FAXC: variants seen among roughly 807,000 people sequenced by gnomAD.
The protein encoded by FAXC is failed axon connections homolog.
In FAXC, 10 loss-of-function variants were observed where a neutral mutation model predicts 41.9. The ratio of observed to expected loss-of-function variants is 0.24; its 90% confidence interval spans 0.15 to 0.41. FAXC has a LOEUF of 0.41. Among genes scored for constraint, FAXC ranks in the 10% least tolerant of loss-of-function variants. FAXC has a pLI of 1.00. For missense variants in FAXC, 399 were observed against 510.9 expected, an observed-to-expected ratio of 0.78 and a Z score of 2.11; for synonymous variants, 183 against 183.8, an observed-to-expected ratio of 1.00 and a Z score of 0.03.
intron 2 of FAXC, among the ~76,000 whole-genome samples, chr6:99,336,342 C>T (rs909901056): frequency 3.9e-5 from 6 of 152,032 alleles, no homozygotes; most frequent in Non-Finnish European, 7.4e-5. Context: ...TCCTTGTGAT[C>T]CTCCTTCCTC....
At chr6:99,302,015 AGCTGAGTGCCTCT>A (rs1771730770) in intron 4 of FAXC, among the ~76,000 whole-genome samples, 1 of 152,256 alleles carries the variant, frequency 6.6e-6, no homozygotes. Flanking sequence ...AGATAGCCTT[AGCTGAGTGCCTCT>A]GCTGGGTGCC....
intron 4 of FAXC, among the ~76,000 whole-genome samples, chr6:99,316,098 C>CT (rs1361662758): frequency 6.6e-6 from 1 of 152,130 alleles, no homozygotes; most frequent in African/African-American, 2.4e-5. Context: ...CCACCCTGAG[C>CT]TTTAAGGGGT....
intron 4 of FAXC, among the ~76,000 whole-genome samples, chr6:99,293,702 G>GTGTGTGTC (rs1443666984): frequency 8.5e-6 from 1 of 117,760 alleles, no homozygotes; most frequent in African/African-American, 3.1e-5. Context: ...GTGTGTGTGT[G>GTGTGTGTC]TGTGTGTGTG....
Position 99,315,192 on chromosome 6 carries a change from T to C in FAXC, c.823+8252A>G, listed in dbSNP as rs567015075. On this transcript the variant is annotated intron_variant, in intron 4 of 5. Coordinates refer to ENST00000389677, the MANE Select transcript of FAXC (RefSeq NM_032511.4). ...AGACTACAGTGAGCTGAGAGCACAC[T>C]ACTGCACTCCAGCCTGGGCAACTGA... 1.9e-4 allele frequency among the ~76,000 whole-genome samples: 23 copies of C among 121,710 alleles called. No homozygotes were observed. The South Asian group carries it at 6.4e-3, about 34-fold the overall frequency. 79.8% of individuals were successfully genotyped at this position (121,710 alleles called of 152,430 possible).
chr6:99,282,596 C>T lies in FAXC; in HGVS notation c.941-1143G>A, dbSNP rs547832931. ...CATTTGTCTGAAACATGCCACTCTA[C>T]CTGGCCTTCATTTCCTAATTCCAAA... On this transcript the variant is annotated intron_variant, in intron 5 of 5. Coordinates refer to ENST00000389677, the MANE Select transcript of FAXC (RefSeq NM_032511.4). Among the ~76,000 whole-genome samples, 12 of 152,270 alleles carry T rather than the reference C, an allele frequency of 7.9e-5. No individual in the cohort carries two copies. The South Asian group carries it at 2.3e-3, about 29-fold the overall frequency.
At chr6:99,327,660 T>C (rs1341744035) in intron 3 of FAXC, among the ~76,000 whole-genome samples, 2 of 152,166 alleles carry the variant, frequency 1.3e-5, no homozygotes, top group Non-Finnish European at 2.9e-5. Context: ...ATGTCTCCCA[T>C]ATCCAGCCCT....
intron 5 of FAXC, 66 bp from the exon 6 acceptor site, chr6:99,281,519 G>C: frequency 2.4e-6 from 3 of 1,263,924 alleles, no homozygotes; most frequent in Non-Finnish European, 3.4e-6. Context: ...TCTATGGTCT[G>C]TGTTGCCCCA....
At chr6:99,288,724 C>T (rs1771114209) in intron 5 of FAXC, among the ~76,000 whole-genome samples, 1 of 152,154 alleles carries the variant, frequency 6.6e-6, no homozygotes, top group Non-Finnish European at 1.5e-5. Context: ...TCGATCAATG[C>T]CTGACCCATT....
chr6:99,315,761 C>T (rs1772327451), intron 4 of FAXC, among the ~76,000 whole-genome samples: 3 of 152,204 alleles, frequency 2.0e-5, no homozygotes, highest in Admixed American at 2.0e-4. Flanking sequence ...ATCCTGGAGT[C>T]CATGCTTGGC....
At chr6:99,335,949 GA>G (rs1773200708) in intron 2 of FAXC, among the ~76,000 whole-genome samples, 1 of 151,880 alleles carries the variant, frequency 6.6e-6, no homozygotes, top group African/African-American at 2.4e-5. Context: ...ATAGATGAAT[GA>G]AAAAACATTT....
At chr6:99,333,225 A>T in intron 3 of FAXC, 126 bp downstream of exon 3, 1 of 771,562 alleles carries the variant, frequency 1.3e-6, no homozygotes, top group Non-Finnish European at 2.1e-6. Flanking sequence ...TTGATGACTG[A>T]GCCACTCACT....
intron 5 of FAXC, among the ~76,000 whole-genome samples, chr6:99,282,500 C>T (rs549383755): frequency 6.6e-5 from 10 of 152,242 alleles, no homozygotes; most frequent in East Asian, 1.9e-4. Flanking sequence ...GGGTCCCACT[C>T]GGTCACTAGA....
intron 2 of FAXC, among the ~76,000 whole-genome samples, chr6:99,342,394 G>T (rs961668334): frequency 1.1e-4 from 16 of 151,628 alleles, no homozygotes; most frequent in Middle Eastern, 3.4e-3. Context: ...ACCCAGACTG[G>T]AGTACAGTGG....
rs138367512 is a variant in FAXC at position 99,281,386 on chromosome 6, G to A, written c.1008C>T (p.His336=). ...IRRKFWPEWH[H]DDDNTIYESE... ...ACTCATAGATGGTATTGTCATCATC[G>A]TGGTGCCACTCTGGCCAAAATTTCC... The change falls in exon 6 of 6, where the codon CAC becomes CAT. Residue 336 remains histidine (H), a synonymous_variant. Coordinates refer to ENST00000389677, the MANE Select transcript of FAXC (RefSeq NM_032511.4). The A allele has an allele frequency of 4.6e-5, 74 of 1,614,142 alleles. No individual in the cohort carries two copies. In the East Asian group the frequency reaches 1.5e-3, roughly 33 times the overall value.
Position 99,349,470 on chromosome 6 carries a change from G to C in FAXC, c.-98C>G. The stretch of plus-strand genomic sequence containing the variant: ...GCGCGGGCTCAGAGGCGCGCGGAGG[G>C]CGCGGGCGGCGCGGGCGGCGGCGAC... On this transcript the variant is annotated 5_prime_UTR_variant, in exon 1 of 6. Coordinates refer to ENST00000389677, the MANE Select transcript of FAXC (RefSeq NM_032511.4). The C allele has an allele frequency of 1.2e-6, 1 of 837,976 alleles. No homozygotes were observed. The highest frequency in any genetic ancestry group is 1.4e-6 in the Non-Finnish European group (1 of 695,588). The allele number at this position is 837,976 out of a possible 1,614,324, so 51.9% of individuals were successfully genotyped here. A position where few individuals can be genotyped will look rare whatever the true frequency, so the allele number is the denominator to read the frequency against.
Position 99,348,965 on chromosome 6 carries a change from C to A in FAXC, c.266+142G>T, listed in dbSNP as rs1453516297. 3 of 760,362 alleles carry A rather than the reference C, an allele frequency of 3.9e-6. No individual in the cohort carries two copies. In the Admixed American group the frequency reaches 7.4e-5, roughly 19 times the overall value. The allele number at this position is 760,362 out of a possible 1,614,324, so 47.1% of individuals were successfully genotyped here. A position where few individuals can be genotyped will look rare whatever the true frequency, so the allele number is the denominator to read the frequency against. On this transcript the variant is annotated intron_variant, in intron 1 of 5. Transcript: ENST00000389677. The stretch of plus-strand genomic sequence containing the variant: ...CCTCACGGCCAGGTGACCACAAATG[C>A]CTTTAGGGAAAGGTAATTGCAGGGC...
intron 4 of FAXC, among the ~76,000 whole-genome samples, chr6:99,301,855 C>A (rs972574709): frequency 2.6e-5 from 4 of 152,242 alleles, no homozygotes; most frequent in African/African-American, 7.2e-5. Flanking sequence ...CACAGCCCAG[C>A]AGCAGCTGAA....
chr6:99,284,559 C>CTCTGTGTGTGTGTG (rs1180731728), intron 5 of FAXC, among the ~76,000 whole-genome samples: 1 of 118,820 alleles, frequency 8.4e-6, no homozygotes, highest in Admixed American at 8.4e-5. Context: ...TGTGGAGTGT[C>CTCTGTGTGTGTGTG]TGTGTGTGTG....
intron 2 of FAXC, among the ~76,000 whole-genome samples, chr6:99,341,131 C>T (rs941885863): frequency 1.3e-5 from 2 of 151,850 alleles, no homozygotes; most frequent in Admixed American, 1.3e-4. Context: ...AGCATAAACA[C>T]AAATTTGGGT....
Sources: allele counts gnomAD v4.1 joint callset (sites outside exome capture counted in the v4.1 genomes callset), GRCh38; gene constraint gnomAD v4.1.1; transcripts MANE v1.5; gene names NCBI Gene and HGNC (gene_info 2026-07-23, HGNC 2026-07-21).